The following SEPTIN9 variants were observed in gnomAD, a reference collection of about 807,000 sequenced individuals.
SEPTIN9 encodes the protein septin 9.
In SEPTIN9, 13 loss-of-function variants were observed where a neutral mutation model predicts 56.6. That is an observed-to-expected ratio of 0.23 (90% CI 0.15 to 0.37). The LOEUF (loss-of-function observed/expected upper bound fraction) is 0.37, where lower values mean the gene tolerates loss of function less well. Ranked by LOEUF, SEPTIN9 falls within the 10% of genes least tolerant of loss-of-function variation. The probability of loss-of-function intolerance (pLI) is 1.00; values close to 1 mark genes in which losing one functional copy is unlikely to be tolerated. For missense variants in SEPTIN9, 650 were observed against 823.1 expected, an observed-to-expected ratio of 0.79 and a Z score of 2.57; for synonymous variants, 332 against 334.1, an observed-to-expected ratio of 0.99 and a Z score of 0.07.
chr17:77,498,960 C>T lies in SEPTIN9; in HGVS notation c.*302C>T, dbSNP rs2040396391. The T allele has an allele frequency of 3.6e-6, 2 of 551,946 alleles. No homozygotes were observed. The highest frequency in any genetic ancestry group is 7.6e-5 in the East Asian group (2 of 26,230). The allele number at this position is 551,946 out of a possible 1,614,324, so 34.2% of individuals were successfully genotyped here. A position where few individuals can be genotyped will look rare whatever the true frequency, so the allele number is the denominator to read the frequency against. ...GCTCCCCGAGGGCTCAGAAGAGCAG[C>T]TTCGGTGTGCAGATCATCCGTCTGT... is the stretch of plus-strand genomic sequence containing the variant. On this transcript the variant is annotated 3_prime_UTR_variant, in exon 12 of 12. Transcript: ENST00000427177.
intron 2 of SEPTIN9, among the ~76,000 whole-genome samples, chr17:77,372,109 C>T (rs1409522686): frequency 1.3e-5 from 2 of 152,118 alleles, no homozygotes; most frequent in African/African-American, 4.8e-5. Context: ...GCAGTTGTAG[C>T]GTTGCGGCCT....
Position 77,492,877 on chromosome 17 carries a change from G to T in SEPTIN9, c.1477-103G>T, listed in dbSNP as rs942702618. 6 of 1,267,794 alleles carry T rather than the reference G, an allele frequency of 4.7e-6. No homozygotes were observed. The highest frequency in any genetic ancestry group is 1.5e-5 in the African/African-American group (1 of 67,898). 78.5% of individuals were successfully genotyped at this position (1,267,794 alleles called of 1,614,324 possible). ...CCAGTGCTGTCAGGCTGAGGCTCTCGTTTTTGGGGGACCCCAGGCTCAGGG... is the reference window on the plus strand; with the variant it reads ...CCAGTGCTGTCAGGCTGAGGCTCTCTTTTTTGGGGGACCCCAGGCTCAGGG... On this transcript the variant is annotated intron_variant, in intron 9 of 11. Coordinates refer to ENST00000427177, the MANE Select transcript of SEPTIN9 (RefSeq NM_001113491.2). The surrounding 1 kb of genome is among the most constrained non-coding windows in gnomAD (Gnocchi z 5.4).
intron 3 of SEPTIN9, among the ~76,000 whole-genome samples, chr17:77,414,876 C>T (rs1332703026): frequency 6.6e-6 from 1 of 152,148 alleles, no homozygotes; most frequent in Non-Finnish European, 1.5e-5. Context: ...CTGCGCCTGG[C>T]CGATTCTAGA....
At position 77,326,671 on chromosome 17, in the gene SEPTIN9, A is replaced by T. The variant is rs1567995229; in HGVS notation, c.76+19474A>T. Among the ~76,000 whole-genome samples the T allele has an allele frequency of 6.6e-6, 1 of 152,210 alleles. No individual in the cohort carries two copies. Among genetic ancestry groups the T allele is most frequent in the Non-Finnish European group, 1.5e-5 (1 of 68,040 alleles). ...GCACACAACTCCTAAAATCCTTGGA[A>T]TCTCCAAAGTGATGTCTTTTTGGAT... On this transcript the variant is annotated intron_variant, in intron 2 of 11. Transcript: ENST00000427177. The surrounding 1 kb of genome is among the most constrained non-coding windows in gnomAD (Gnocchi z 5.1).
In SEPTIN9 at chr17:77,475,259, A is replaced by G. The variant is rs1277387001; in HGVS notation, c.722-6885A>G. 7.3e-7 allele frequency: 1 copy of G among 1,378,008 alleles called. No homozygotes were observed. Among genetic ancestry groups the G allele is most frequent in the Non-Finnish European group, 9.4e-7 (1 of 1,067,030 alleles). The allele number at this position is 1,378,008 out of a possible 1,614,324, so 85.4% of individuals were successfully genotyped here. ...TCATTATTCAGTTACCATCGTGGGG[A>G]GACTGTCTGGACGCAGAGAGCAGGC... On this transcript the variant is annotated intron_variant, in intron 3 of 11. Coordinates refer to ENST00000427177, the MANE Select transcript of SEPTIN9 (RefSeq NM_001113491.2). This position sits in a 1 kb window ranked among gnomAD's most constrained non-coding sequence, Gnocchi z 4.6.
intron 2 of SEPTIN9, among the ~76,000 whole-genome samples, chr17:77,382,858 G>A (rs1003870646): frequency 1.3e-5 from 2 of 152,090 alleles, no homozygotes; most frequent in African/African-American, 4.8e-5. Flanking sequence ...AAGCAAAGGC[G>A]GGGTCCCTCC....
rs2037348510 is a variant in SEPTIN9 at position 77,436,653 on chromosome 17, C to T, written c.721+33950C>T. ...GAGTGACCTGGCCCCTGGCCCCGGC[C>T]ACCTACACCTCCTGTTTTGCTGCAC... On this transcript the variant is annotated intron_variant, in intron 3 of 11. Transcript: ENST00000427177. The surrounding 1 kb of genome is among the most constrained non-coding windows in gnomAD (Gnocchi z 4.4). 6.6e-6 allele frequency among the ~76,000 whole-genome samples: 1 copy of T among 152,238 alleles called. No homozygotes were observed. The highest frequency in any genetic ancestry group is 2.4e-5 in the African/African-American group (1 of 41,460).
chr17:77,361,008 C>G (rs1163780592), intron 2 of SEPTIN9, among the ~76,000 whole-genome samples: 1 of 146,942 alleles, frequency 6.8e-6, no homozygotes, highest in Non-Finnish European at 1.5e-5. Flanking sequence ...ACTGCAACCT[C>G]TGCCTCCTGG....
chr17:77,418,220 C>T (rs1018413233), intron 3 of SEPTIN9, among the ~76,000 whole-genome samples: 5 of 152,200 alleles, frequency 3.3e-5, no homozygotes, highest in South Asian at 2.1e-4. Context: ...AGTCCCGCTC[C>T]GGTTCAGCCT....
intron 4 of SEPTIN9, among the ~76,000 whole-genome samples, chr17:77,486,598 G>A (rs2143324779): frequency 6.6e-6 from 1 of 151,862 alleles, no homozygotes; most frequent in South Asian, 2.1e-4. Context: ...TGTGTAAGAG[G>A]TATGTTTGAG....
intron 1 of SEPTIN9, among the ~76,000 whole-genome samples, chr17:77,289,119 C>T (rs534118858): frequency 1.4e-4 from 22 of 152,078 alleles, no homozygotes; most frequent in African/African-American, 2.9e-4. Flanking sequence ...GTTTTTGAGA[C>T]GGAGTCTCAC....
chr17:77,467,978 G>A (rs1199835779), intron 3 of SEPTIN9, among the ~76,000 whole-genome samples: 3 of 152,150 alleles, frequency 2.0e-5, no homozygotes, highest in Admixed American at 2.0e-4. Flanking sequence ...AGAACTGAGG[G>A]ACCTAGGCTG....
intron 3 of SEPTIN9, among the ~76,000 whole-genome samples, chr17:77,427,745 G>A (rs965468081): frequency 1.3e-5 from 2 of 152,184 alleles, no homozygotes; most frequent in Non-Finnish European, 2.9e-5. Context: ...CCTCAGTCCT[G>A]GTCAGGAACT....
chr17:77,471,707 A>T (rs971835370), intron 3 of SEPTIN9, among the ~76,000 whole-genome samples: 1 of 152,224 alleles, frequency 6.6e-6, no homozygotes, highest in African/African-American at 2.4e-5. Context: ...CCACGGGGGA[A>T]CTTTTCTTTC....
Position 77,470,162 on chromosome 17 carries a change from TCCATCCACTCAA to T in SEPTIN9, c.722-11970_722-11959del, listed in dbSNP as rs1399333509. On this transcript the variant is annotated intron_variant, in intron 3 of 11. Transcript: ENST00000427177. Reference sequence around the variant, plus strand: ...ACCCATCCACTCATTCACCCATTTATCCATCCACTCAACCATCCACTCATCCACCCATCCACT... The same window carrying T: ...ACCCATCCACTCATTCACCCATTTATCCATCCACTCATCCACCCATCCACT... 2.9e-5 allele frequency among the ~76,000 whole-genome samples: 4 copies of T among 138,986 alleles called. 1 individual carries two copies. The highest frequency in any genetic ancestry group is 2.7e-5 in the African/African-American group (1 of 36,446). The allele number at this position is 138,986 out of a possible 152,430, so 91.2% of individuals were successfully genotyped here. A position where few individuals can be genotyped will look rare whatever the true frequency, so the allele number is the denominator to read the frequency against.
chr17:77,489,702 G>T (rs2039944738), intron 7 of SEPTIN9, among the ~76,000 whole-genome samples: 1 of 152,206 alleles, frequency 6.6e-6, no homozygotes, highest in Admixed American at 6.5e-5. Context: ...AAGGAGCCTG[G>T]CTGGTGGGCA....
chr17:77,467,956 G>A (rs1168708670), intron 3 of SEPTIN9, among the ~76,000 whole-genome samples: 1 of 152,134 alleles, frequency 6.6e-6, no homozygotes, highest in Non-Finnish European at 1.5e-5. Context: ...CAATCGGAGG[G>A]CCACGTGTGT....
At chr17:77,286,563 G>C (rs1184632849) in intron 1 of SEPTIN9, 1 of 152,182 alleles carries the variant, frequency 6.6e-6, no homozygotes, top group Non-Finnish European at 1.5e-5. Context: ...CATCTCACTT[G>C]AGGACCCATG....
intron 2 of SEPTIN9, among the ~76,000 whole-genome samples, chr17:77,392,025 G>A (rs1030122027): frequency 4.6e-5 from 7 of 152,348 alleles, no homozygotes; most frequent in Non-Finnish European, 8.8e-5. Context: ...TGCCCCATAG[G>A]CAGGGTGGAG....
Sources: gnomAD v4.1 joint callset for allele counts (sites outside exome capture counted in the v4.1 genomes callset) on GRCh38, gnomAD v4.1.1 for gene constraint, Gnocchi (gnomAD v3.1) non-coding constraint, MANE v1.5 for transcripts, NCBI Gene and HGNC (gene_info 2026-07-23, HGNC 2026-07-21) for gene names.